Variants in ZNF292 observed in about 807,000 individuals in gnomAD.
ZNF292 encodes the protein 16 zinc-finger domain protein.
ZNF292 carries 26 observed loss-of-function variants against 217.9 expected under a neutral mutation model. That is an observed-to-expected ratio of 0.12 (90% confidence interval 0.09 to 0.17). ZNF292 has a LOEUF of 0.17. ZNF292 is among the 10% of genes least tolerant of loss of function. The pLI is 1.00. For synonymous variants in ZNF292, 1,257 were observed against 1,124.1 expected (o/e 1.12, Z -2.37); for missense variants, 2,904 against 3,175.2 (o/e 0.91, Z 2.05).
chr6:87,159,516 T>TTA (rs1562115530), intron 1 of ZNF292, among the ~76,000 whole-genome samples: 1 of 133,020 alleles, frequency 7.5e-6, no homozygotes, highest in Non-Finnish European at 1.6e-5. Flanking sequence ...TTTTTTTTTT[T>TTA]AAAAAAGATG....
At chr6:87,211,980 G>GA (rs1772507149) in intron 1 of ZNF292, among the ~76,000 whole-genome samples, 2 of 152,086 alleles carry the variant, frequency 1.3e-5, no homozygotes, top group African/African-American at 4.8e-5. Flanking sequence ...GTTTAATGGG[G>GA]AAAAAAGTGT....
chr6:87,251,769 A>G (rs1294820850), intron 7 of ZNF292, among the ~76,000 whole-genome samples: 1 of 152,230 alleles, frequency 6.6e-6, no homozygotes, highest in Non-Finnish European at 1.5e-5. Context: ...CACACATGAA[A>G]GGTCAGAAGG....
chr6:87,265,804 T>C lies in ZNF292; in HGVS notation c.*4003T>C, dbSNP rs955686571. Among the ~76,000 whole-genome samples the C allele has an allele frequency of 5.3e-5, 8 of 152,236 alleles. No individual in the cohort carries two copies. Among genetic ancestry groups the C allele is most frequent in the African/African-American group, 1.9e-4 (8 of 41,464 alleles). On this transcript the variant is annotated 3_prime_UTR_variant, in exon 8 of 8. Transcript: ENST00000369577. ...AATGGTGATTATTCTGATTGATCAA[T>C]TTATATATCCCAATGGGTTGATTCC...
intron 1 of ZNF292, among the ~76,000 whole-genome samples, chr6:87,215,463 C>T (rs985880273): frequency 6.6e-6 from 1 of 151,996 alleles, no homozygotes; most frequent in Non-Finnish European, 1.5e-5. Context: ...AAAAAGGACA[C>T]GTCTTTGCTG....
chr6:87,194,373 T>G (rs1411186469), intron 1 of ZNF292, among the ~76,000 whole-genome samples: 1 of 151,812 alleles, frequency 6.6e-6, no homozygotes, highest in Non-Finnish European at 1.5e-5. Context: ...GAAAAAAAAG[T>G]TCAAATTAAT....
chr6:87,189,625 G>A (rs768812675), intron 1 of ZNF292, among the ~76,000 whole-genome samples: 1 of 151,840 alleles, frequency 6.6e-6, no homozygotes, highest in East Asian at 1.9e-4. Context: ...TATTAGACTG[G>A]GATTATGTTT....
Position 87,161,851 on chromosome 6 carries a change from C to G in ZNF292, c.168+6092C>G, listed in dbSNP as rs553589419. 3.6e-4 allele frequency among the ~76,000 whole-genome samples: 55 copies of G among 152,318 alleles called. No individual in the cohort carries two copies. The Middle Eastern group carries it at 0.024, about 66-fold the overall frequency. Reference sequence around the variant, plus strand: ...CTTTTTCCCATTCTAGAGTTCCAGTCTCATTTCCACAAAGACAAATCCCCT... The same window carrying G: ...CTTTTTCCCATTCTAGAGTTCCAGTGTCATTTCCACAAAGACAAATCCCCT... On this transcript the variant is annotated intron_variant, in intron 1 of 7. Coordinates refer to ENST00000369577, the MANE Select transcript of ZNF292 (RefSeq NM_015021.3).
chr6:87,205,274 A>G (rs1772213584), intron 1 of ZNF292, among the ~76,000 whole-genome samples: 1 of 151,938 alleles, frequency 6.6e-6, no homozygotes, highest in East Asian at 1.9e-4. Flanking sequence ...AGGTCTTGCT[A>G]TGTTGCTCTG....
chr6:87,257,619 C>T lies in ZNF292; in HGVS notation c.3990C>T (p.Phe1330=), dbSNP rs1386372801. Residue 1330 remains phenylalanine (F), a synonymous_variant, in exon 8 of 8, where the codon TTC becomes TTT. Transcript: ENST00000369577. ...CACAAGTGAATGTTGCAAATAACTT[C>T]AGTAGCACCAATGCCCAACAGTCTG... ...FPSQVNVANN[F]SSTNAQQSAP... is the part of the protein sequence containing the mutation. 6.2e-7 allele frequency: 1 copy of T among 1,607,656 alleles called. No homozygotes were observed. Among genetic ancestry groups the T allele is most frequent in the East Asian group, 2.2e-5 (1 of 44,728 alleles).
At chr6:87,178,272 C>G (rs1475361354) in intron 1 of ZNF292, among the ~76,000 whole-genome samples, 3 of 152,096 alleles carry the variant, frequency 2.0e-5, no homozygotes, top group Non-Finnish European at 2.9e-5. Flanking sequence ...AGGGAACATG[C>G]CTAGTTTGCT....
At chr6:87,230,577 C>CA (rs1191756142) in intron 4 of ZNF292, among the ~76,000 whole-genome samples, 1 of 151,632 alleles carries the variant, frequency 6.6e-6, no homozygotes, top group African/African-American at 2.4e-5. Context: ...ACTAAAAGTA[C>CA]AAAAAAATTA....
In ZNF292 at chr6:87,257,042, A is replaced by G. The variant is rs758415974; in HGVS notation, c.3413A>G (p.Lys1138Arg). 76 of 1,613,656 alleles carry G rather than the reference A, an allele frequency of 4.7e-5. No individual in the cohort carries two copies. Among genetic ancestry groups the G allele is most frequent in the Non-Finnish European group, 6.4e-5 (75 of 1,179,786 alleles). Residue 1138 changes from lysine to arginine, a missense_variant, in exon 8 of 8, where the codon AAA becomes AGA. Around this residue, in one of 15 missense-constraint regions of ZNF292, gnomAD observed 687 missense variants for 623.0 expected, o/e 1.10. Coordinates refer to ENST00000369577, the MANE Select transcript of ZNF292 (RefSeq NM_015021.3). ...TTTAAAATGCAGCGCAAAAGTAAAA[A>G]AGGTCAGAAAGCTAACAACTTAAAT... ...AAFKMQRKSK[K>R]GQKANNLNTP... is the part of the protein sequence containing the mutation.
intron 4 of ZNF292, among the ~76,000 whole-genome samples, chr6:87,226,668 G>A (rs187235493): frequency 9.5e-6 from 1 of 104,826 alleles, no homozygotes; most frequent in Non-Finnish European, 1.9e-5. Context: ...TAGATATATA[G>A]ATATATAGAT....
intron 1 of ZNF292, among the ~76,000 whole-genome samples, chr6:87,199,004 T>C (rs933360632): frequency 1.3e-5 from 2 of 152,218 alleles, no homozygotes; most frequent in Non-Finnish European, 2.9e-5. Flanking sequence ...CCAACAAGCT[T>C]ATATTCGTTT....
chr6:87,161,526 G>A (rs73501636), intron 1 of ZNF292, among the ~76,000 whole-genome samples: 12,435 of 152,176 alleles, frequency 0.082, 859 homozygotes, highest in African/African-American at 0.19. Flanking sequence ...GGGCTTAAGC[G>A]ATCCTCTTGC....
At position 87,203,949 on chromosome 6, in the gene ZNF292, A is replaced by G. The variant is rs187809152; in HGVS notation, c.169-11954A>G. On this transcript the variant is annotated intron_variant, in intron 1 of 7. Transcript: ENST00000369577. The stretch of plus-strand genomic sequence containing the variant: ...AAAGCCTAAGCAGAGTGAGGAGGGC[A>G]GACACTACTTTAATCAAGGGATCAA... Among the ~76,000 whole-genome samples the G allele has an allele frequency of 8.2e-4, 125 of 152,296 alleles. 1 individual carries two copies. The highest frequency in any genetic ancestry group is 1.1e-3 in the Non-Finnish European group (72 of 68,026).
chr6:87,198,757 C>T (rs1221112444), intron 1 of ZNF292, among the ~76,000 whole-genome samples: 1 of 152,176 alleles, frequency 6.6e-6, no homozygotes, highest in Non-Finnish European at 1.5e-5. Flanking sequence ...TACACAATAA[C>T]TTCAAAGGGT....
At chr6:87,234,127 C>T (rs1223454139) in intron 5 of ZNF292, among the ~76,000 whole-genome samples, 1 of 152,172 alleles carries the variant, frequency 6.6e-6, no homozygotes, top group Non-Finnish European at 1.5e-5. Context: ...AGAATGGAAT[C>T]ATGATCCAAA....
Position 87,254,612 on chromosome 6 carries a change from GT to G in ZNF292, c.1021-37del, listed in dbSNP as rs768447954. 4.6e-6 allele frequency: 7 copies of G among 1,516,580 alleles called. No homozygotes were observed. The South Asian group carries it at 8.8e-5, about 19-fold the overall frequency. The allele number at this position is 1,516,580 out of a possible 1,614,324, so 93.9% of individuals were successfully genotyped here. ...CTGAAATAAATTAGTGTTGATTAGT[GT>G]AGATTAAATTAACATTTCCTATTTG... On this transcript the variant is annotated intron_variant, in intron 7 of 7. Coordinates refer to ENST00000369577, the MANE Select transcript of ZNF292 (RefSeq NM_015021.3).
Sources: allele counts gnomAD v4.1 joint callset (sites outside exome capture counted in the v4.1 genomes callset), GRCh38; gene constraint gnomAD v4.1.1; regional missense constraint gnomAD v4.1.1; transcripts MANE v1.5; gene names NCBI Gene and HGNC (gene_info 2026-07-23, HGNC 2026-07-21).